BRD10: variants seen among roughly 807,000 people sequenced by gnomAD.
The protein encoded by BRD10 is uncharacterized bromodomain-containing protein 10.
chr9:5,920,229 A>AGG, the BRD10 span: 3 of 1,613,940 alleles, frequency 1.9e-6, no homozygotes, highest in Non-Finnish European at 2.5e-6. Flanking sequence ...TTAAGAACTA[A>AGG]GGGGGCTCCA....
chr9:5,910,776 T>C, the BRD10 span: 3 of 152,204 alleles, frequency 2.0e-5, no homozygotes, highest in Non-Finnish European at 2.9e-5. Context: ...TCAGAAGACT[T>C]ACTCCCCACT....
chr9:5,983,520 T>C, the BRD10 span, among the ~76,000 whole-genome samples: 5 of 151,926 alleles, frequency 3.3e-5, no homozygotes, highest in Non-Finnish European at 1.5e-5. Context: ...AGTTAGAGAT[T>C]AGAAATTAAA....
chr9:5,968,992 C>G, the BRD10 span: 2 of 1,609,360 alleles, frequency 1.2e-6, no homozygotes, highest in East Asian at 2.2e-5. Context: ...GTTTTTCTTC[C>G]AATGGATTAA....
the BRD10 span, among the ~76,000 whole-genome samples, chr9:6,005,481 G>A: frequency 1.3e-5 from 2 of 152,144 alleles, no homozygotes; most frequent in African/African-American, 2.4e-5. Flanking sequence ...CTCCAGCCTG[G>A]GCTACAGAGG....
At chr9:5,896,695 G>C in the BRD10 span, among the ~76,000 whole-genome samples, 4 of 152,206 alleles carry the variant, frequency 2.6e-5, no homozygotes, top group African/African-American at 9.7e-5. Context: ...AATTGATGAT[G>C]CTTGCCCGGA....
the BRD10 span, among the ~76,000 whole-genome samples, chr9:5,977,144 A>G: frequency 6.6e-6 from 1 of 152,256 alleles, no homozygotes; most frequent in Non-Finnish European, 1.5e-5. Context: ...GGCCAAAGTT[A>G]GCACCAACTG....
chr9:5,969,698 C>G, the BRD10 span, among the ~76,000 whole-genome samples: 1 of 152,096 alleles, frequency 6.6e-6, no homozygotes, highest in African/African-American at 2.4e-5. Context: ...TGCCTGCCAC[C>G]ACACCCAGCT....
chr9:6,007,478 G>C, the BRD10 span: 2 of 1,611,548 alleles, frequency 1.2e-6, no homozygotes, highest in African/African-American at 2.7e-5. Flanking sequence ...CCCCCCAAGG[G>C]CTGCAGAAAG....
the BRD10 span, among the ~76,000 whole-genome samples, chr9:5,988,167 A>G: frequency 4.9e-4 from 74 of 152,306 alleles, no homozygotes; most frequent in African/African-American, 1.8e-3. Context: ...TAGCTTCAAG[A>G]TAAGTGGTTT....
At chr9:5,994,895 A>ATTTTTCTTTTT in the BRD10 span, among the ~76,000 whole-genome samples, 4,875 of 144,422 alleles carry the variant, frequency 0.034, 230 homozygotes, top group South Asian at 0.11. Flanking sequence ...AAATGCTATC[A>ATTTTTCTTTTT]TTTTTCTTTT....
At chr9:6,008,076 C>T in the BRD10 span, 2 of 983,458 alleles carry the variant, frequency 2.0e-6, no homozygotes, top group African/African-American at 3.5e-5. Flanking sequence ...TCGCCGGCCT[C>T]ACCCCTCCGC....
At chr9:5,931,299 TG>T in the BRD10 span, among the ~76,000 whole-genome samples, 1 of 152,220 alleles carries the variant, frequency 6.6e-6, no homozygotes. Context: ...ATGGGGAGAC[TG>T]GGTAGCTGGG....
the BRD10 span, among the ~76,000 whole-genome samples, chr9:5,959,996 G>A: frequency 1.3e-5 from 2 of 152,014 alleles, no homozygotes; most frequent in African/African-American, 4.8e-5. Flanking sequence ...CTATGCTTTT[G>A]CTCGTGTTAT....
the BRD10 span, among the ~76,000 whole-genome samples, chr9:5,972,416 G>C: frequency 6.6e-6 from 1 of 152,198 alleles, no homozygotes; most frequent in African/African-American, 2.4e-5. Flanking sequence ...CCTTGATATA[G>C]TTTGGATATC....
chr9:5,959,299 A>C, the BRD10 span, among the ~76,000 whole-genome samples: 1 of 152,162 alleles, frequency 6.6e-6, no homozygotes, highest in Non-Finnish European at 1.5e-5. Flanking sequence ...TATCCTAATT[A>C]TCTTGCAAGA....
chr9:5,954,168 G>A, the BRD10 span: 16 of 794,066 alleles, frequency 2.0e-5, no homozygotes, highest in African/African-American at 1.9e-4. Context: ...AAATTACGCA[G>A]ATCCTTGAAA....
chr9:5,912,955 A>G, the BRD10 span, among the ~76,000 whole-genome samples: 110 of 152,302 alleles, frequency 7.2e-4, no homozygotes, highest in Non-Finnish European at 9.1e-4. Context: ...GCAAAGTTAG[A>G]GAGTATTGTT....
At chr9:5,976,193 T>C in the BRD10 span, among the ~76,000 whole-genome samples, 25 of 152,074 alleles carry the variant, frequency 1.6e-4, no homozygotes, top group Non-Finnish European at 3.2e-4. Context: ...CTAGAGAGTG[T>C]GTAAAATAAA....
the BRD10 span, among the ~76,000 whole-genome samples, chr9:6,006,591 T>TA: frequency 6.6e-6 from 1 of 152,180 alleles, no homozygotes; most frequent in African/African-American, 2.4e-5. Context: ...GTATAAACTT[T>TA]AAAAAATGTG....
Sources: gnomAD v4.1 joint callset for allele counts (sites outside exome capture counted in the v4.1 genomes callset) on GRCh38, gnomAD v4.1.1 for gene constraint, MANE v1.5 for transcripts, NCBI Gene and HGNC (gene_info 2026-07-23, HGNC 2026-07-21) for gene names.